Variants in CCSER1 observed in about 807,000 individuals in gnomAD.
CCSER1 encodes the protein coiled-coil serine rich protein 1.
CCSER1 carries 41 observed loss-of-function variants against 82.0 expected under a neutral mutation model. The observed-to-expected ratio is 0.50, with a 90% CI of 0.39 to 0.65. CCSER1 has a LOEUF of 0.65. CCSER1 is among the 30% of genes least tolerant of loss of function. The pLI is 0.00. For missense variants in CCSER1, 1,119 were observed against 1,064.2 expected, an observed-to-expected ratio of 1.05 and a Z score of -0.72; for synonymous variants, 414 against 383.9, an observed-to-expected ratio of 1.08 and a Z score of -0.92.
intron 3 of CCSER1, among the ~76,000 whole-genome samples, chr4:90,382,262 C>A (rs1749320537): frequency 6.6e-6 from 1 of 151,898 alleles, no homozygotes; most frequent in South Asian, 2.1e-4. Context: ...TTTTTGTTCT[C>A]TGCATTTTAG....
chr4:90,400,141 A>G lies in CCSER1; in HGVS notation c.1603+12A>G. The stretch of plus-strand genomic sequence containing the variant: ...TCTTCACCCTTCTGGTAAGTGTTAA[A>G]GAGATGAATAATATCATACAACTCC... On this transcript the variant is annotated intron_variant, in intron 4 of 10. Coordinates refer to ENST00000509176, the MANE Select transcript of CCSER1 (RefSeq NM_001145065.2). 1.4e-6 allele frequency: 2 copies of G among 1,440,102 alleles called. No homozygotes were observed. The highest frequency in any genetic ancestry group is 2.3e-5 in the South Asian group (2 of 85,580). 89.2% of individuals were successfully genotyped at this position (1,440,102 alleles called of 1,614,324 possible).
chr4:91,046,525 A>T (rs4693256), intron 9 of CCSER1, among the ~76,000 whole-genome samples: 56,232 of 151,938 alleles, frequency 0.37, 11,666 homozygotes, highest in East Asian at 0.64. Flanking sequence ...CTTTACTTAG[A>T]TGATAAGATT....
At chr4:90,876,842 A>T (rs1176775790) in intron 8 of CCSER1, among the ~76,000 whole-genome samples, 2 of 152,088 alleles carry the variant, frequency 1.3e-5, no homozygotes, top group East Asian at 3.9e-4. Context: ...TCCTTTATTG[A>T]TGTATCTATA....
chr4:90,343,753 T>G (rs1226710291), intron 3 of CCSER1, among the ~76,000 whole-genome samples: 2 of 152,198 alleles, frequency 1.3e-5, no homozygotes, highest in African/African-American at 4.8e-5. Context: ...TTTTTCTTAA[T>G]TTTTGTGGGT....
intron 1 of CCSER1, among the ~76,000 whole-genome samples, chr4:90,129,061 C>T (rs914064655): frequency 6.6e-6 from 1 of 152,058 alleles, no homozygotes. Context: ...TCAGAAAATA[C>T]CTACTTGGTT....
At chr4:90,375,529 C>T (rs1274016225) in intron 3 of CCSER1, among the ~76,000 whole-genome samples, 13 of 152,140 alleles carry the variant, frequency 8.5e-5, no homozygotes, top group Admixed American at 8.5e-4. Flanking sequence ...CTAGATCCTT[C>T]CTCGTAGAGC....
At chr4:91,360,422 G>A (rs1005851056) in intron 10 of CCSER1, among the ~76,000 whole-genome samples, 1 of 137,602 alleles carries the variant, frequency 7.3e-6, no homozygotes, top group African/African-American at 2.7e-5. Flanking sequence ...ACCTTCAAAT[G>A]TCAAAAAAAA....
chr4:90,983,062 A>G (rs1051406746), intron 9 of CCSER1, among the ~76,000 whole-genome samples: 2 of 151,786 alleles, frequency 1.3e-5, no homozygotes, highest in African/African-American at 4.8e-5. Flanking sequence ...TACGCTATGC[A>G]TATTCATTCT....
chr4:90,819,939 C>T (rs539005949), intron 8 of CCSER1, among the ~76,000 whole-genome samples: 8 of 152,160 alleles, frequency 5.3e-5, no homozygotes, highest in South Asian at 2.1e-4. Context: ...TTGGAGAAAA[C>T]GAGACATACA....
At chr4:91,522,704 C>G (rs550662420) in intron 10 of CCSER1, among the ~76,000 whole-genome samples, 273 of 152,050 alleles carry the variant, frequency 1.8e-3, no homozygotes, top group South Asian at 0.011. Flanking sequence ...GAATGCTTGT[C>G]ATTTTTGCAC....
At chr4:90,193,208 G>C (rs1262627581) in intron 1 of CCSER1, among the ~76,000 whole-genome samples, 1 of 152,058 alleles carries the variant, frequency 6.6e-6, no homozygotes, top group East Asian at 1.9e-4. Flanking sequence ...ATGTATAAGA[G>C]ACCCAGCTTC....
chr4:91,550,834 G>A lies in CCSER1; in HGVS notation c.2218-47738G>A, dbSNP rs191194525. Among the ~76,000 whole-genome samples, 67 of 152,144 alleles carry A rather than the reference G, an allele frequency of 4.4e-4. 1 individual carries two copies. The highest frequency in any genetic ancestry group is 2.6e-3 in the Admixed American group (39 of 15,266). The stretch of plus-strand genomic sequence containing the variant: ...TCAGTAATAAATTCTCTGAATATGC[G>A]CAAAGCAAACTTCCATCTCCAGTTC... On this transcript the variant is annotated intron_variant, in intron 10 of 10. Transcript: ENST00000509176.
chr4:91,525,027 GAGAA>G (rs1760701508), intron 10 of CCSER1, among the ~76,000 whole-genome samples: 1 of 152,062 alleles, frequency 6.6e-6, no homozygotes, highest in African/African-American at 2.4e-5. Flanking sequence ...TGGATCAAAA[GAGAA>G]AGAAGGAATG....
intron 5 of CCSER1, among the ~76,000 whole-genome samples, chr4:90,520,978 G>C (rs1380001662): frequency 6.6e-6 from 1 of 152,098 alleles, no homozygotes; most frequent in African/African-American, 2.4e-5. Context: ...AGTGGGAAGA[G>C]GAATATGAAA....
chr4:90,316,396 A>G (rs192468202), intron 3 of CCSER1, among the ~76,000 whole-genome samples: 22 of 152,352 alleles, frequency 1.4e-4, no homozygotes, highest in Admixed American at 7.2e-4. Flanking sequence ...AAAGCAATCT[A>G]ACCTTGCTTG....
At position 91,111,799 on chromosome 4, in the gene CCSER1, A is replaced by G. The variant is rs115888008; in HGVS notation, c.2217+25805A>G. On this transcript the variant is annotated intron_variant, in intron 10 of 10. Coordinates refer to ENST00000509176, the MANE Select transcript of CCSER1 (RefSeq NM_001145065.2). ...GAATCACTGAAGCAAGAAATACTGT[A>G]TCAGGAGAAAGGAAAAGAGAAAAAG... is the stretch of plus-strand genomic sequence containing the variant. 2.6e-5 allele frequency among the ~76,000 whole-genome samples: 4 copies of G among 151,184 alleles called. No individual in the cohort carries two copies. In the East Asian group the frequency reaches 5.8e-4, roughly 22 times the overall value.
intron 10 of CCSER1, among the ~76,000 whole-genome samples, chr4:91,436,448 A>C (rs1458925258): frequency 6.6e-6 from 1 of 152,196 alleles, no homozygotes; most frequent in Non-Finnish European, 1.5e-5. Context: ...TTCTCTAATC[A>C]ATCTTGCCTC....
At chr4:90,499,893 GT>G (rs1189455575) in intron 5 of CCSER1, among the ~76,000 whole-genome samples, 1 of 152,130 alleles carries the variant, frequency 6.6e-6, no homozygotes, top group Non-Finnish European at 1.5e-5. Flanking sequence ...CTAGGAATAA[GT>G]TTATTTCATG....
At chr4:90,552,975 A>AT (rs745450293) in intron 5 of CCSER1, among the ~76,000 whole-genome samples, 7,178 of 143,578 alleles carry the variant, frequency 0.05, 297 homozygotes, top group African/African-American at 0.11. Flanking sequence ...TAAATTAACC[A>AT]TTTTTTTTTT....
Sources: gnomAD v4.1 joint callset for allele counts (sites outside exome capture counted in the v4.1 genomes callset) on GRCh38, gnomAD v4.1.1 for gene constraint, MANE v1.5 for transcripts, NCBI Gene and HGNC (gene_info 2026-07-23, HGNC 2026-07-21) for gene names.